Variants in GABRB3 observed in about 807,000 individuals in gnomAD.
GABRB3 encodes gamma-aminobutyric acid type A receptor subunit beta3.
In GABRB3, 14 loss-of-function variants were observed where a neutral mutation model predicts 52.1. The observed-to-expected ratio is 0.27, with a 90% CI of 0.18 to 0.42. GABRB3 has a LOEUF of 0.42. Ranked by LOEUF, GABRB3 falls within the 10% of genes least tolerant of loss-of-function variation. GABRB3 has a pLI of 1.00. For missense variants in GABRB3, 307 were observed against 609.1 expected (o/e 0.50, Z 5.22); for synonymous variants, 260 against 232.3 (o/e 1.12, Z -1.08).
chr15:26,569,050 C>T (rs1890295797), intron 6 of GABRB3, among the ~76,000 whole-genome samples: 1 of 152,144 alleles, frequency 6.6e-6, no homozygotes, highest in Non-Finnish European at 1.5e-5. Context: ...CAAGAGGCCT[C>T]ACCTTTCCTG....
rs546754016 is a variant in GABRB3 at position 26,571,982 on chromosome 15, G to C, written c.683-4249C>G. ...GATCGTTTGAACCTGGGAGGCGGAG[G>C]TTGCAGTGAGCCGAAATTGAGCTAC... On this transcript the variant is annotated intron_variant, in intron 6 of 8. Coordinates refer to ENST00000311550, the MANE Select transcript of GABRB3 (RefSeq NM_000814.6). Among the ~76,000 whole-genome samples, 7 of 150,262 alleles carry C rather than the reference G, an allele frequency of 4.7e-5. No homozygotes were observed. The South Asian group carries it at 1.1e-3, about 23-fold the overall frequency.
chr15:26,728,676 C>T (rs1229965327), intron 3 of GABRB3, among the ~76,000 whole-genome samples: 1 of 152,220 alleles, frequency 6.6e-6, no homozygotes, highest in Non-Finnish European at 1.5e-5. Context: ...ATGCAGTCAT[C>T]ATTAACGTAT....
intron 3 of GABRB3, among the ~76,000 whole-genome samples, chr15:26,768,904 A>G (rs1891068922): frequency 6.6e-6 from 1 of 152,232 alleles, no homozygotes; most frequent in Non-Finnish European, 1.5e-5. Context: ...GGCAAAACCA[A>G]TGCTAAATAT....
At chr15:26,618,821 GA>G (rs1892366568) in intron 4 of GABRB3, among the ~76,000 whole-genome samples, 1 of 151,706 alleles carries the variant, frequency 6.6e-6, no homozygotes, top group South Asian at 2.1e-4. Flanking sequence ...AAATTTACAA[GA>G]AAAAAACAAA....
chr15:26,735,792 GT>G (rs1890049025), intron 3 of GABRB3, among the ~76,000 whole-genome samples: 2 of 151,596 alleles, frequency 1.3e-5, no homozygotes, highest in South Asian at 4.2e-4. Context: ...CCACAAAAAA[GT>G]AAAAATAAAA....
intron 3 of GABRB3, among the ~76,000 whole-genome samples, chr15:26,667,557 T>G (rs1017968693): frequency 2.6e-5 from 4 of 152,196 alleles, no homozygotes; most frequent in Non-Finnish European, 5.9e-5. Flanking sequence ...TTTAATCAGG[T>G]TTATTTTAAA....
At chr15:26,562,891 T>C (rs1890041190) in intron 7 of GABRB3, among the ~76,000 whole-genome samples, 1 of 152,224 alleles carries the variant, frequency 6.6e-6, no homozygotes, top group African/African-American at 2.4e-5. Flanking sequence ...TGTATGGAAA[T>C]CCAAGATGTC....
rs1054528586 is a variant in GABRB3, at chr15:26,629,255, G to C, written c.241-7721C>G. 11 of 1,225,106 alleles carry C rather than the reference G, an allele frequency of 9.0e-6. No individual in the cohort carries two copies. In the African/African-American group the frequency reaches 1.4e-4, roughly 15 times the overall value. 75.9% of individuals were successfully genotyped at this position (1,225,106 alleles called of 1,614,324 possible). On this transcript the variant is annotated intron_variant, in intron 3 of 8. Transcript: ENST00000311550. ...GAGGGCAGCGCGGAAGCTTGGCCCC[G>C]AGAGGGAGGAGGCGTGGTCTGTGGC...
At position 26,729,703 on chromosome 15, in the gene GABRB3, C is replaced by T. The variant is rs371353603; in HGVS notation, c.240+42699G>A. Among the ~76,000 whole-genome samples, 8 of 152,274 alleles carry T rather than the reference C, an allele frequency of 5.3e-5. No individual in the cohort carries two copies. The South Asian group carries it at 1.0e-3, about 20-fold the overall frequency. ...CTTTTTCAGGGCAGAAAGGTTCACACCATCTGTTCCCTATGCCCCCAGCAG... is the reference window on the plus strand; with the variant it reads ...CTTTTTCAGGGCAGAAAGGTTCACATCATCTGTTCCCTATGCCCCCAGCAG... On this transcript the variant is annotated intron_variant, in intron 3 of 8. Coordinates refer to ENST00000311550, the MANE Select transcript of GABRB3 (RefSeq NM_000814.6).
chr15:26,749,682 T>C (rs148644178), intron 3 of GABRB3, among the ~76,000 whole-genome samples: 4 of 152,138 alleles, frequency 2.6e-5, no homozygotes, highest in African/African-American at 9.6e-5. Flanking sequence ...TTGGCTGGAG[T>C]AGGGTAGGCA....
intron 4 of GABRB3, among the ~76,000 whole-genome samples, chr15:26,619,762 CTAGAT>C (rs1892404895): frequency 6.6e-6 from 1 of 151,684 alleles, no homozygotes; most frequent in South Asian, 2.1e-4. Flanking sequence ...CCAAAAATTC[CTAGAT>C]TAATTTTTGT....
intron 3 of GABRB3, among the ~76,000 whole-genome samples, chr15:26,721,918 T>C (rs1297917867): frequency 6.6e-6 from 1 of 152,078 alleles, no homozygotes; most frequent in Non-Finnish European, 1.5e-5. Context: ...TCCATGATAA[T>C]TCAATTAAAG....
Position 26,624,548 on chromosome 15 carries a change from T to C in GABRB3, c.241-3014A>G, listed in dbSNP as rs539308235. On this transcript the variant is annotated intron_variant, in intron 3 of 8. Transcript: ENST00000311550. ...GCTCCGCGTCTTATTTTGGACTGTG[T>C]CGCTCTCCGCACCACCAGCAGCGCC... 1.7e-5 allele frequency: 17 copies of C among 985,436 alleles called. No homozygotes were observed. The African/African-American group carries it at 2.6e-4, about 15-fold the overall frequency. The allele number at this position is 985,436 out of a possible 1,614,324, so 61.0% of individuals were successfully genotyped here. A position where few individuals can be genotyped will look rare whatever the true frequency, so the allele number is the denominator to read the frequency against.
At chr15:26,712,723 G>A (rs1286115502) in intron 3 of GABRB3, among the ~76,000 whole-genome samples, 1 of 152,148 alleles carries the variant, frequency 6.6e-6, no homozygotes, top group Non-Finnish European at 1.5e-5. Flanking sequence ...CGAGGAGGGG[G>A]AGAGAAAGAA....
intron 3 of GABRB3, among the ~76,000 whole-genome samples, chr15:26,706,808 C>T (rs1316748201): frequency 2.6e-5 from 4 of 152,110 alleles, no homozygotes; most frequent in Non-Finnish European, 1.5e-5. Context: ...AGCCATTATG[C>T]CCTAAATCTG....
chr15:26,593,690 T>C (rs1305970515), intron 4 of GABRB3, among the ~76,000 whole-genome samples: 3 of 152,268 alleles, frequency 2.0e-5, no homozygotes, highest in African/African-American at 7.2e-5. Context: ...TATATGGATA[T>C]ACCATATTTT....
chr15:26,739,689 T>A (rs778167160), intron 3 of GABRB3, among the ~76,000 whole-genome samples: 9 of 152,172 alleles, frequency 5.9e-5, no homozygotes, highest in Non-Finnish European at 8.8e-5. Context: ...AGATTTTTAT[T>A]GATACATAAT....
At chr15:26,603,044 G>T (rs1262502649) in intron 4 of GABRB3, among the ~76,000 whole-genome samples, 2 of 151,734 alleles carry the variant, frequency 1.3e-5, no homozygotes, top group Middle Eastern at 3.4e-3. Context: ...AGAGAGGGAA[G>T]ATGAAAATAA....
At chr15:26,761,526 T>C (rs1168486222) in intron 3 of GABRB3, among the ~76,000 whole-genome samples, 1 of 151,990 alleles carries the variant, frequency 6.6e-6, no homozygotes, top group Non-Finnish European at 1.5e-5. Flanking sequence ...ATATCTGATA[T>C]AAAAATTATA....
Sources: gnomAD v4.1 joint callset for allele counts (sites outside exome capture counted in the v4.1 genomes callset) on GRCh38, gnomAD v4.1.1 for gene constraint, MANE v1.5 for transcripts, NCBI Gene and HGNC (gene_info 2026-07-23, HGNC 2026-07-21) for gene names.